Variants in DDAH1 observed in about 807,000 individuals in gnomAD.
DDAH1 encodes the protein N(G),N(G)-dimethylarginine dimethylaminohydrolase 1.
DDAH1 carries 19 observed loss-of-function variants against 28.8 expected under a neutral mutation model. That is an observed-to-expected ratio of 0.66 (90% confidence interval 0.46 to 0.97). The LOEUF (loss-of-function observed/expected upper bound fraction) is 0.97, where lower values mean the gene tolerates loss of function less well. Ranked by LOEUF, DDAH1 falls within the 50% of genes least tolerant of loss-of-function variation. DDAH1 has a pLI of 0.00. For synonymous variants in DDAH1, 153 were observed against 154.4 expected (o/e 0.99, Z 0.07); for missense variants, 326 against 375.9 (o/e 0.87, Z 1.10).
At chr1:85,345,650 A>C (rs530074095) in intron 4 of DDAH1, among the ~76,000 whole-genome samples, 1 of 152,286 alleles carries the variant, frequency 6.6e-6, no homozygotes, top group South Asian at 2.1e-4. Context: ...AGATCACTTG[A>C]GGTCAGGAGT....
intron 1 of DDAH1, among the ~76,000 whole-genome samples, chr1:85,429,322 A>G (rs1653561045): frequency 6.6e-6 from 1 of 152,108 alleles, no homozygotes; most frequent in Admixed American, 6.6e-5. Context: ...AGCTTCATCC[A>G]TGTCCCTGCA....
At chr1:85,326,735 G>A (rs1486034476) in intron 4 of DDAH1, among the ~76,000 whole-genome samples, 1 of 152,204 alleles carries the variant, frequency 6.6e-6, no homozygotes, top group Non-Finnish European at 1.5e-5. Flanking sequence ...GGACTTAACT[G>A]GACATCTCTC....
chr1:85,533,658 G>A (rs1658168645), intron 1 of DDAH1, among the ~76,000 whole-genome samples: 2 of 152,248 alleles, frequency 1.3e-5, no homozygotes, highest in South Asian at 4.2e-4. Context: ...ATCCTGGGAG[G>A]CTGTACAAGA....
chr1:85,570,358 ACACTGT>A (rs1251534410), intron 1 of DDAH1, among the ~76,000 whole-genome samples: 1 of 96,378 alleles, frequency 1.0e-5, no homozygotes, highest in African/African-American at 3.8e-5. Context: ...TCCAGCACAC[ACACTGT>A]CACACACACA....
chr1:85,396,210 T>A (rs1651806528), intron 1 of DDAH1, among the ~76,000 whole-genome samples: 1 of 152,208 alleles, frequency 6.6e-6, no homozygotes, highest in South Asian at 2.1e-4. Flanking sequence ...TCTCCTTGTC[T>A]TAGTCCCTTT....
chr1:85,324,299 T>TAATAATAATAATAATAAA (rs1363681922), intron 5 of DDAH1, among the ~76,000 whole-genome samples: 6 of 143,332 alleles, frequency 4.2e-5, no homozygotes, highest in East Asian at 2.0e-4. Context: ...ATAATAATAA[T>TAATAATAATAATAATAAA]AAATAAAAAA....
At chr1:85,380,903 T>G (rs1048937759) in intron 1 of DDAH1, among the ~76,000 whole-genome samples, 4 of 152,152 alleles carry the variant, frequency 2.6e-5, no homozygotes, top group Non-Finnish European at 5.9e-5. Context: ...TTAAAACACA[T>G]CTGGCACTCT....
rs115006213 is a variant in DDAH1, at chr1:85,391,021, G to A, written c.304-32174C>T. On this transcript the variant is annotated intron_variant, in intron 1 of 5. Coordinates refer to ENST00000284031, the MANE Select transcript of DDAH1 (RefSeq NM_012137.4). ...ATTCAGAAGCCTCAAGCAGACAACA[G>A]GATTCTAAAATTGCTTTTTAAAAAA... is the stretch of plus-strand genomic sequence containing the variant. Among the ~76,000 whole-genome samples the A allele has an allele frequency of 4.9e-3, 739 of 152,116 alleles. 2 individuals are homozygous for A. The highest frequency in any genetic ancestry group is 0.017 in the African/African-American group (709 of 41,500).
intron 1 of DDAH1, among the ~76,000 whole-genome samples, chr1:85,366,471 A>C (rs554504014): frequency 1.3e-5 from 2 of 152,120 alleles, no homozygotes; most frequent in Admixed American, 1.3e-4. Context: ...CAAGATATTT[A>C]GCATTTTGGT....
intron 2 of DDAH1, chr1:85,494,343 C>G (rs905257023): frequency 1.3e-5 from 2 of 152,288 alleles, no homozygotes; most frequent in Non-Finnish European, 2.9e-5. Context: ...TTCTGCTTCC[C>G]CAAAGAGTAC....
intron 2 of DDAH1, among the ~76,000 whole-genome samples, chr1:85,356,586 G>A (rs1371309857): frequency 6.6e-6 from 1 of 152,206 alleles, no homozygotes; most frequent in East Asian, 1.9e-4. Flanking sequence ...ATGAAGAAAA[G>A]TGACAAGTAG....
At chr1:85,540,133 G>GA (rs56047503) in intron 1 of DDAH1, among the ~76,000 whole-genome samples, 76,301 of 151,828 alleles carry the variant, frequency 0.5, 20,975 homozygotes, top group Non-Finnish European at 0.61. Flanking sequence ...ACTAAAATGA[G>GA]AAAAAAATAA....
intron 1 of DDAH1, among the ~76,000 whole-genome samples, chr1:85,412,535 T>C (rs1477160875): frequency 6.6e-6 from 1 of 152,190 alleles, no homozygotes; most frequent in African/African-American, 2.4e-5. Context: ...CGGTGTAGTA[T>C]GGCCCAAAAC....
intron 1 of DDAH1, among the ~76,000 whole-genome samples, chr1:85,445,098 T>C (rs1316656419): frequency 6.6e-6 from 1 of 152,200 alleles, no homozygotes; most frequent in African/African-American, 2.4e-5. Flanking sequence ...CTAGCCGTGC[T>C]GGCAGCTGAT....
At chr1:85,466,184 G>A (rs1051497651), upstream of DDAH1, among the ~76,000 whole-genome samples, 12 of 152,214 alleles carry the variant, frequency 7.9e-5, no homozygotes, top group Non-Finnish European at 1.6e-4. Context: ...CCTCCCACAA[G>A]GGTGGTGTGA....
At chr1:85,521,253 C>T (rs1176343381) in intron 1 of DDAH1, among the ~76,000 whole-genome samples, 3 of 151,398 alleles carry the variant, frequency 2.0e-5, no homozygotes, top group African/African-American at 7.3e-5. Flanking sequence ...AAACTTGAGT[C>T]CGTCCAGATC....
chr1:85,332,365 A>T (rs1647829733), intron 4 of DDAH1, among the ~76,000 whole-genome samples: 1 of 152,166 alleles, frequency 6.6e-6, no homozygotes, highest in Admixed American at 6.5e-5. Context: ...GAGCTGAAGC[A>T]TGTGTTTCCC....
chr1:85,494,658 T>C (rs1656519436), intron 2 of DDAH1: 1 of 152,204 alleles, frequency 6.6e-6, no homozygotes, highest in South Asian at 2.1e-4. Flanking sequence ...TTGCCTTTCA[T>C]AGATGAAGGA....
At position 85,382,453 on chromosome 1, in the gene DDAH1, C is replaced by A. The variant is rs1651042011; in HGVS notation, c.304-23606G>T. On this transcript the variant is annotated intron_variant, in intron 1 of 5. Coordinates refer to ENST00000284031, the MANE Select transcript of DDAH1 (RefSeq NM_012137.4). ...AGAGGCTGGCTTATGAGGAAAGAAG[C>A]CATCTTTATAACATAAAAGTACAAG... Among the ~76,000 whole-genome samples the A allele has an allele frequency of 2.0e-5, 3 of 152,216 alleles. No homozygotes were observed. In the South Asian group the frequency reaches 6.2e-4, roughly 32 times the overall value.
Sources: gnomAD v4.1 joint callset for allele counts (sites outside exome capture counted in the v4.1 genomes callset) on GRCh38, gnomAD v4.1.1 for gene constraint, MANE v1.5 for transcripts, NCBI Gene and HGNC (gene_info 2026-07-23, HGNC 2026-07-21) for gene names.